The following RGL1 variants were observed in gnomAD, a reference collection of about 807,000 sequenced individuals.
The protein encoded by RGL1 is ral guanine nucleotide dissociation stimulator like 1.
RGL1 carries 24 observed loss-of-function variants against 95.2 expected under a neutral mutation model. The ratio of observed to expected loss-of-function variants is 0.25; its 90% CI spans 0.18 to 0.35. The LOEUF (loss-of-function observed/expected upper bound fraction) is 0.35. RGL1 is among the 10% of genes least tolerant of loss of function. RGL1 has a pLI of 1.00. For synonymous variants in RGL1, 329 were observed against 344.9 expected, an observed-to-expected ratio of 0.95 and a Z score of 0.51; for missense variants, 715 against 936.3, an observed-to-expected ratio of 0.76 and a Z score of 3.08.
intron 2 of RGL1, among the ~76,000 whole-genome samples, chr1:183,819,214 C>T (rs1393873023): frequency 2.6e-5 from 4 of 152,166 alleles, no homozygotes; most frequent in Non-Finnish European, 5.9e-5. Context: ...CCCTACATAA[C>T]ACATTTTTAT....
chr1:183,779,738 CT>C (rs748860406), intron 2 of RGL1, among the ~76,000 whole-genome samples: 2 of 151,644 alleles, frequency 1.3e-5, no homozygotes, highest in Non-Finnish European at 2.9e-5. Context: ...GTGTTGGAAA[CT>C]TTAAAAAACA....
intron 1 of RGL1, among the ~76,000 whole-genome samples, chr1:183,645,365 A>G (rs1650212965): frequency 6.6e-6 from 1 of 152,204 alleles, no homozygotes; most frequent in South Asian, 2.1e-4. Context: ...TAAGACCCCC[A>G]AACCCTGGAC....
chr1:183,777,894 A>T (rs1659682145), intron 2 of RGL1, among the ~76,000 whole-genome samples: 1 of 152,012 alleles, frequency 6.6e-6, no homozygotes, highest in South Asian at 2.1e-4. Flanking sequence ...TTCACTCCCT[A>T]CCCTGATCTT....
chr1:183,805,330 G>A lies in RGL1; in HGVS notation c.27+6G>A. The A allele has an allele frequency of 6.2e-7, 1 of 1,610,470 alleles. No homozygotes were observed. ...TGCTTTGGCAAGCTAAAATGGTAAC[G>A]AGAGCTCTCTGCCTTCTCCCGAGGC... On this transcript the variant is annotated splice_donor_region_variant and intron_variant, in intron 1 of 17. Coordinates refer to ENST00000360851, the MANE Select transcript of RGL1 (RefSeq NM_001297671.3).
At chr1:183,825,282 C>A (rs943184602) in intron 2 of RGL1, among the ~76,000 whole-genome samples, 4 of 152,094 alleles carry the variant, frequency 2.6e-5, no homozygotes, top group African/African-American at 9.7e-5. Context: ...ATTTACACAT[C>A]AGTGATACTT....
At chr1:183,881,410 A>G (rs1319338903) in intron 5 of RGL1, among the ~76,000 whole-genome samples, 4 of 152,218 alleles carry the variant, frequency 2.6e-5, no homozygotes, top group African/African-American at 7.2e-5. Context: ...GTTTTTCCCT[A>G]TTTGAAGATT....
In RGL1 at chr1:183,774,820, C is replaced by T. The variant is rs532764569; in HGVS notation, c.133-31555C>T. 6.8e-4 allele frequency among the ~76,000 whole-genome samples: 103 copies of T among 152,082 alleles called. 4 individuals are homozygous for T. The highest frequency in any genetic ancestry group is 3.9e-4 in the East Asian group (2 of 5,164). ...CAAACTCCTGACCTCGTAATCCGCCCGCCTCAGGCTCCCAAAGTACTGGGA... is the reference window on the plus strand; with the variant it reads ...CAAACTCCTGACCTCGTAATCCGCCTGCCTCAGGCTCCCAAAGTACTGGGA... On this transcript the variant is annotated intron_variant, in intron 2 of 18. Transcript: ENST00000304685.
chr1:183,659,119 GA>G (rs1206258619), intron 1 of RGL1, among the ~76,000 whole-genome samples: 31 of 152,144 alleles, frequency 2.0e-4, no homozygotes, highest in Non-Finnish European at 2.1e-4. Flanking sequence ...AAACAGAGCA[GA>G]AAAACTGGAA....
intron 8 of RGL1, among the ~76,000 whole-genome samples, chr1:183,891,612 A>G (rs994705925): frequency 1.3e-5 from 2 of 152,076 alleles, no homozygotes; most frequent in African/African-American, 4.8e-5. Flanking sequence ...TTCCATACCT[A>G]CAACCCTCAG....
intron 2 of RGL1, among the ~76,000 whole-genome samples, chr1:183,814,757 A>T (rs74130641): frequency 6.6e-6 from 1 of 152,198 alleles, no homozygotes; most frequent in South Asian, 2.1e-4. Flanking sequence ...CAGTCATATC[A>T]ACTGAATCTC....
At position 183,755,514 on chromosome 1, in the gene RGL1, C is replaced by CT. The variant is rs1572373256; in HGVS notation, c.132+13230dup. 2.0e-5 allele frequency among the ~76,000 whole-genome samples: 3 copies of CT among 151,484 alleles called. No homozygotes were observed. The South Asian group carries it at 6.3e-4, about 32-fold the overall frequency. On this transcript the variant is annotated intron_variant, in intron 2 of 18. Transcript: ENST00000304685. The stretch of plus-strand genomic sequence containing the variant: ...AAATATCTTTATATAATTTCAGTAC[C>CT]TTTTTAAAAAAAAAGAGCAAGGAAG...
chr1:183,882,963 G>A (rs1175560739), intron 5 of RGL1, among the ~76,000 whole-genome samples: 1 of 152,216 alleles, frequency 6.6e-6, no homozygotes, highest in African/African-American at 2.4e-5. Context: ...ACAGGAAGGA[G>A]TGTGAGGGGT....
intron 1 of RGL1, among the ~76,000 whole-genome samples, chr1:183,675,151 A>G (rs1652731262): frequency 6.6e-6 from 1 of 152,134 alleles, no homozygotes; most frequent in African/African-American, 2.4e-5. Flanking sequence ...TTCTTCTTTT[A>G]CTTACACAGG....
At chr1:183,748,023 G>T (rs553758838) in intron 2 of RGL1, among the ~76,000 whole-genome samples, 1 of 152,250 alleles carries the variant, frequency 6.6e-6, no homozygotes, top group South Asian at 2.1e-4. Flanking sequence ...CTTGTTATTG[G>T]TCTATTCAAG....
At chr1:183,673,752 A>G (rs987487869) in intron 1 of RGL1, among the ~76,000 whole-genome samples, 1 of 152,066 alleles carries the variant, frequency 6.6e-6, no homozygotes, top group African/African-American at 2.4e-5. Flanking sequence ...GGCATTCTCT[A>G]CCTTTGTGGC....
intron 1 of RGL1, among the ~76,000 whole-genome samples, chr1:183,650,188 T>C (rs1376049731): frequency 6.6e-6 from 1 of 152,144 alleles, no homozygotes; most frequent in Admixed American, 6.5e-5. Flanking sequence ...ATAAACAAAG[T>C]CATGTTTTAT....
intron 2 of RGL1, among the ~76,000 whole-genome samples, chr1:183,819,601 G>A (rs1406185060): frequency 6.6e-6 from 1 of 151,914 alleles, no homozygotes; most frequent in African/African-American, 2.4e-5. Flanking sequence ...CATTTACATT[G>A]TCCCAAATGT....
chr1:183,853,354 C>G (rs569437762), intron 3 of RGL1, among the ~76,000 whole-genome samples: 2 of 152,144 alleles, frequency 1.3e-5, no homozygotes, highest in African/African-American at 4.8e-5. Context: ...AAGCAGAATG[C>G]CAACAAGAAC....
Position 183,661,815 on chromosome 1 carries a change from A to C in RGL1, c.-33+25314A>C, listed in dbSNP as rs1651651012. On this transcript the variant is annotated intron_variant, in intron 1 of 18. Coordinates refer to the RGL1 transcript ENST00000304685. ...ACATTGATGCAAAAATCCTCAATAA[A>C]ATACTGGCAAACCGAATCCAGCAGC... Among the ~76,000 whole-genome samples the C allele has an allele frequency of 2.7e-5, 4 of 150,918 alleles. No individual in the cohort carries two copies. The South Asian group carries it at 8.4e-4, about 32-fold the overall frequency.
Sources: allele counts gnomAD v4.1 joint callset (sites outside exome capture counted in the v4.1 genomes callset), GRCh38; gene constraint gnomAD v4.1.1; transcripts MANE v1.5; gene names NCBI Gene and HGNC (gene_info 2026-07-23, HGNC 2026-07-21).